WWC2: variants seen among roughly 807,000 people sequenced by gnomAD.
WWC2 encodes WW and C2 domain containing 2.
In WWC2, 101 loss-of-function variants were observed where a neutral mutation model predicts 138.5. The ratio of observed to expected loss-of-function variants is 0.73; its 90% CI spans 0.62 to 0.86. The LOEUF (loss-of-function observed/expected upper bound fraction) is 0.86, where lower values mean the gene tolerates loss of function less well. Ranked by LOEUF, WWC2 falls within the 40% of genes least tolerant of loss-of-function variation. WWC2 has a pLI of 0.00. For synonymous variants in WWC2, 558 were observed against 538.4 expected (o/e 1.04, Z -0.50); for missense variants, 1,420 against 1,419.4 (o/e 1.00, Z -0.01).
intron 1 of WWC2, among the ~76,000 whole-genome samples, chr4:183,180,071 T>A (rs1734581713): frequency 6.6e-6 from 1 of 152,184 alleles, no homozygotes; most frequent in Non-Finnish European, 1.5e-5. Flanking sequence ...GGACGTTGAA[T>A]CTTAGAAGAA....
At chr4:183,222,730 G>A (rs564638355) in intron 4 of WWC2, among the ~76,000 whole-genome samples, 1 of 152,228 alleles carries the variant, frequency 6.6e-6, no homozygotes, top group South Asian at 2.1e-4. Flanking sequence ...GGCTGAGGCG[G>A]GCAGATCACT....
rs370084651 is a variant in WWC2 at position 183,261,171 on chromosome 4, G to T, written c.1548G>T (p.Gln516His). 4.1e-5 allele frequency: 66 copies of T among 1,613,630 alleles called. No homozygotes were observed. The highest frequency in any genetic ancestry group is 5.3e-5 in the Non-Finnish European group (63 of 1,179,816). Reference protein sequence around the residue: ...HENEVVKSPSQPGQSGLCGVA... With the variant: ...HENEVVKSPSHPGQSGLCGVA... ...ACGAGGTGGTCAAGTCCCCTAGCCA[G>T]CCTGGCCAGAGTGGACTCTGTGGAG... is the stretch of plus-strand genomic sequence containing the variant. Residue 516 changes from glutamine (Q) to histidine (H), a missense_variant, in exon 11 of 23, where the codon CAG (glutamine) becomes CAT (histidine). By Grantham distance (24) the Gln-to-His change is conservative. Transcript: ENST00000403733.
intron 16 of WWC2, among the ~76,000 whole-genome samples, chr4:183,275,418 A>G (rs1737822183): frequency 6.6e-6 from 1 of 152,106 alleles, no homozygotes; most frequent in African/African-American, 2.4e-5. Flanking sequence ...GCCTTTCACC[A>G]TTAAGTATGA....
intron 1 of WWC2, among the ~76,000 whole-genome samples, chr4:183,141,302 CAT>C (rs1016755355): frequency 2.0e-5 from 3 of 152,096 alleles, no homozygotes; most frequent in African/African-American, 7.2e-5. Flanking sequence ...CCTTTCTCAC[CAT>C]GTGTGTGTGC....
chr4:183,147,792 A>G (rs946046900), intron 1 of WWC2, among the ~76,000 whole-genome samples: 2 of 152,254 alleles, frequency 1.3e-5, no homozygotes, highest in Admixed American at 6.5e-5. Context: ...GAAATGCCAT[A>G]AAGACAAAAC....
At chr4:183,289,764 C>A in intron 21 of WWC2, 129 bp downstream of exon 21, 36 of 1,279,464 alleles carry the variant, frequency 2.8e-5, no homozygotes, top group Non-Finnish European at 3.2e-5. Flanking sequence ...CAGCTTGGAA[C>A]ATATTTTTCC....
At position 183,201,666 on chromosome 4, in the gene WWC2, G is replaced by A. The variant is rs911044695; in HGVS notation, c.242-6287G>A. ...ATAAATATAGCAGATTATTCTCTAGGTTTTGACTTGCTGTAGCTCTTGGGG... is the reference window on the plus strand; with the variant it reads ...ATAAATATAGCAGATTATTCTCTAGATTTTGACTTGCTGTAGCTCTTGGGG... On this transcript the variant is annotated intron_variant, in intron 2 of 22. Coordinates refer to ENST00000403733, the MANE Select transcript of WWC2 (RefSeq NM_024949.6). 2.0e-5 allele frequency among the ~76,000 whole-genome samples: 3 copies of A among 152,198 alleles called. No individual in the cohort carries two copies. In the East Asian group the frequency reaches 5.8e-4, roughly 29 times the overall value.
At chr4:183,298,543 C>A (rs1042088591) in intron 21 of WWC2, among the ~76,000 whole-genome samples, 1 of 152,172 alleles carries the variant, frequency 6.6e-6, no homozygotes, top group Non-Finnish European at 1.5e-5. Context: ...TTTCTCATTA[C>A]CCTTCCCCAT....
chr4:183,150,660 C>T (rs996816322), intron 1 of WWC2, among the ~76,000 whole-genome samples: 1 of 152,060 alleles, frequency 6.6e-6, no homozygotes, highest in African/African-American at 2.4e-5. Context: ...AGTATTTCTC[C>T]TAATGCTATC....
rs759165138 is a variant in WWC2, at chr4:183,317,086, A to G, written c.*1357A>G. 1 of 152,086 alleles carries G rather than the reference A, an allele frequency of 6.6e-6. No homozygotes were observed. The highest frequency in any genetic ancestry group is 1.5e-5 in the Non-Finnish European group (1 of 67,998). 9.4% of individuals were successfully genotyped at this position (152,086 alleles called of 1,614,324 possible). On this transcript the variant is annotated 3_prime_UTR_variant, in exon 23 of 23. Coordinates refer to ENST00000403733, the MANE Select transcript of WWC2 (RefSeq NM_024949.6). ...TTATTACTCAATAACCCAAGAAACA[A>G]TTTTGGGTTAGCCATCTAATATAGC...
chr4:183,244,930 ATGGAC>A (rs1736724420), intron 5 of WWC2, among the ~76,000 whole-genome samples: 1 of 152,132 alleles, frequency 6.6e-6, no homozygotes, highest in Non-Finnish European at 1.5e-5. Flanking sequence ...GTGATTAGAA[ATGGAC>A]TGGGTTTGAA....
At chr4:183,231,522 G>C (rs920840259) in intron 4 of WWC2, among the ~76,000 whole-genome samples, 1 of 151,764 alleles carries the variant, frequency 6.6e-6, no homozygotes, top group Non-Finnish European at 1.5e-5. Flanking sequence ...CACCTGCCTT[G>C]GCCTCCTAAA....
intron 22 of WWC2, 42 bp from the exon 23 acceptor site, chr4:183,315,621 A>C: frequency 4.6e-6 from 7 of 1,522,912 alleles, no homozygotes; most frequent in Non-Finnish European, 6.3e-6. Context: ...GAGTATTTTT[A>C]GCATCATATA....
At chr4:183,195,511 C>T (rs1478918507) in intron 2 of WWC2, among the ~76,000 whole-genome samples, 1 of 152,214 alleles carries the variant, frequency 6.6e-6, no homozygotes, top group Non-Finnish European at 1.5e-5. Context: ...AATAACTTTT[C>T]TATTTCATCA....
At chr4:183,153,601 T>A (rs1408919703) in intron 1 of WWC2, among the ~76,000 whole-genome samples, 1 of 152,120 alleles carries the variant, frequency 6.6e-6, no homozygotes, top group African/African-American at 2.4e-5. Context: ...TAACTAATAA[T>A]TGAAATGTCA....
chr4:183,300,093 G>A (rs892578351), intron 21 of WWC2, among the ~76,000 whole-genome samples: 3 of 152,198 alleles, frequency 2.0e-5, no homozygotes, highest in Non-Finnish European at 4.4e-5. Context: ...AGACTGGATT[G>A]TGCTTTTTAT....
chr4:183,274,793 C>T (rs1347084039), intron 16 of WWC2, among the ~76,000 whole-genome samples: 1 of 152,044 alleles, frequency 6.6e-6, no homozygotes. Flanking sequence ...ATGTTTTAAT[C>T]ATTTAAAACA....
chr4:183,133,865 C>T (rs1268768811), intron 1 of WWC2, among the ~76,000 whole-genome samples: 1 of 152,172 alleles, frequency 6.6e-6, no homozygotes, highest in African/African-American at 2.4e-5. Flanking sequence ...GAGAAACGTG[C>T]CCACATTTTC....
chr4:183,278,963 C>T (rs2111397609), intron 16 of WWC2, among the ~76,000 whole-genome samples: 1 of 151,500 alleles, frequency 6.6e-6, no homozygotes, highest in African/African-American at 2.4e-5. Flanking sequence ...AATTGAATAC[C>T]CTTTATTTCC....
Sources: allele counts gnomAD v4.1 joint callset (sites outside exome capture counted in the v4.1 genomes callset), GRCh38; gene constraint gnomAD v4.1.1; transcripts MANE v1.5; gene names NCBI Gene and HGNC (gene_info 2026-07-23, HGNC 2026-07-21).